Variants in FASLG observed in about 807,000 individuals in gnomAD.
The protein encoded by FASLG is Fas ligand, also known as tumor necrosis factor ligand superfamily member 6.
Under a neutral mutation model 24.6 loss-of-function variants are expected in FASLG, and 9 were observed. That is an observed-to-expected ratio of 0.37 (90% confidence interval 0.22 to 0.64). The LOEUF is 0.64. Among genes scored for constraint, FASLG ranks in the 30% least tolerant of loss-of-function variants. The pLI is 0.64. For synonymous variants in FASLG, 130 were observed against 135.5 expected, an observed-to-expected ratio of 0.96 and a Z score of 0.28; for missense variants, 306 against 345.3, an observed-to-expected ratio of 0.89 and a Z score of 0.90.
In FASLG at chr1:172,659,193, C is replaced by T. The variant is rs1341603396; in HGVS notation, c.-9C>T. 3 of 1,614,076 alleles carry T rather than the reference C, an allele frequency of 1.9e-6. No homozygotes were observed. In the African/African-American group the frequency reaches 4.0e-5, roughly 22 times the overall value. On this transcript the variant is annotated 5_prime_UTR_variant, in exon 1 of 4. Transcript: ENST00000367721. ...CGTTTGCTGGGGCTGGCCTGACTCACCAGCTGCCATGCAGCAGCCCTTCAA... is the reference window on the plus strand; with the variant it reads ...CGTTTGCTGGGGCTGGCCTGACTCATCAGCTGCCATGCAGCAGCCCTTCAA...
At chr1:172,661,845 A>G (rs1659150287) in intron 2 of FASLG, among the ~76,000 whole-genome samples, 1 of 152,208 alleles carries the variant, frequency 6.6e-6, no homozygotes, top group South Asian at 2.1e-4. Context: ...ATACATGTAA[A>G]TTGCTATAAC....
In FASLG at chr1:172,659,143, C is replaced by T; in HGVS notation, c.-59C>T. On this transcript the variant is annotated 5_prime_UTR_variant, in exon 1 of 4. Coordinates refer to ENST00000367721, the MANE Select transcript of FASLG (RefSeq NM_000639.3). ...GGTCCCGTCCTTGACACCTCAGCCT[C>T]TACAGGACTGAGAAGAAGTAAAACC... The T allele has an allele frequency of 6.2e-7, 1 of 1,611,704 alleles. No homozygotes were observed. The highest frequency in any genetic ancestry group is 8.5e-7 in the Non-Finnish European group (1 of 1,179,048).
chr1:172,660,165 T>A (rs977483638), intron 2 of FASLG, 25 bp downstream of exon 2: 1 of 1,610,198 alleles, frequency 6.2e-7, no homozygotes, highest in Admixed American at 1.7e-5. Context: ...GCATGTACAT[T>A]GAGTTCCCAA....
chr1:172,662,507 AC>A (rs762886326), intron 2 of FASLG, among the ~76,000 whole-genome samples: 17 of 152,304 alleles, frequency 1.1e-4, no homozygotes, highest in Non-Finnish European at 2.2e-4. Flanking sequence ...AAGCAAACAG[AC>A]CATGCAATTC....
At chr1:172,661,760 TAA>T (rs1278430222) in intron 2 of FASLG, among the ~76,000 whole-genome samples, 2 of 151,808 alleles carry the variant, frequency 1.3e-5, no homozygotes, top group Non-Finnish European at 2.9e-5. Context: ...ATCAAATTAA[TAA>T]AGATTAAAAA....
At position 172,665,740 on chromosome 1, in the gene FASLG, T is replaced by C. The variant is rs1390057087; in HGVS notation, c.570T>C (p.Phe190=). Residue 190 remains phenylalanine, a synonymous_variant, in exon 4 of 4, where the codon TTT becomes TTC. Transcript: ENST00000367721. ...GLVINETGLY[F]VYSKVYFRGQ... ...TGATCAATGAAACTGGGCTGTACTT[T>C]GTATATTCCAAAGTATACTTCCGGG... 6.2e-7 allele frequency: 1 copy of C among 1,614,186 alleles called. No homozygotes were observed. The highest frequency in any genetic ancestry group is 8.5e-7 in the Non-Finnish European group (1 of 1,180,052).
intron 3 of FASLG, among the ~76,000 whole-genome samples, chr1:172,665,404 A>G (rs931414566): frequency 6.6e-6 from 1 of 152,198 alleles, no homozygotes; most frequent in African/African-American, 2.4e-5. Flanking sequence ...GATTACGGGT[A>G]TATACTATTG....
At position 172,659,369 on chromosome 1, in the gene FASLG, TCCG is replaced by T. The variant is rs772297337; in HGVS notation, c.180_182del (p.Pro62del). ...CACCGCCACCGCCACCACTACCACCTCCGCCGCCGCCGCCACCACTGCCTCCAC... is the reference window on the plus strand; with the variant it reads ...CACCGCCACCGCCACCACTACCACCTCCGCCGCCGCCACCACTGCCTCCAC... On this transcript the variant is annotated inframe_deletion, in exon 1 of 4. Coordinates refer to ENST00000367721, the MANE Select transcript of FASLG (RefSeq NM_000639.3). 3.7e-6 allele frequency: 6 copies of T among 1,607,894 alleles called. No homozygotes were observed. Among genetic ancestry groups the T allele is most frequent in the South Asian group, 1.1e-5 (1 of 90,590 alleles).
chr1:172,664,204 T>G, intron 2 of FASLG, 130 bp from the exon 3 acceptor site: 1 of 881,982 alleles, frequency 1.1e-6, no homozygotes, highest in South Asian at 1.5e-5. Flanking sequence ...CCTACATGAT[T>G]AGTATATGTT....
rs750792722 is a variant in FASLG at position 172,659,333 on chromosome 1, GCCACCA to G, written c.141_146del (p.Pro52_Pro53del). On this transcript the variant is annotated inframe_deletion, in exon 1 of 4. Coordinates refer to ENST00000367721, the MANE Select transcript of FASLG (RefSeq NM_000639.3). ...TGCCCAGAAGGCCTGGTCAAAGGAG[GCCACCA>G]CCACCACCGCCACCGCCACCACTAC... The G allele has an allele frequency of 1.2e-5, 20 of 1,613,194 alleles. No individual in the cohort carries two copies. The East Asian group carries it at 2.2e-4, about 18-fold the overall frequency.
chr1:172,660,236 G>A, intron 2 of FASLG, 96 bp downstream of exon 2: 2 of 1,225,978 alleles, frequency 1.6e-6, no homozygotes, highest in South Asian at 1.2e-5. Context: ...CCACACTTTG[G>A]TTTCTGTACA....
rs370512224 is a variant in FASLG at position 172,666,065 on chromosome 1, C to T, written c.*49C>T. On this transcript the variant is annotated 3_prime_UTR_variant, in exon 4 of 4. Coordinates refer to ENST00000367721, the MANE Select transcript of FASLG (RefSeq NM_000639.3). ...CATTATGATTCTTTGTTACAGGCACCGAGAATGTTGTATTCAGTGAGGGTC... is the reference window on the plus strand; with the variant it reads ...CATTATGATTCTTTGTTACAGGCACTGAGAATGTTGTATTCAGTGAGGGTC... 18 of 1,606,758 alleles carry T rather than the reference C, an allele frequency of 1.1e-5. No homozygotes were observed. Among genetic ancestry groups the T allele is most frequent in the African/African-American group, 4.0e-5 (3 of 74,734 alleles).
chr1:172,666,108 G>C lies in FASLG; in HGVS notation c.*92G>C. 1 of 1,508,818 alleles carries C rather than the reference G, an allele frequency of 6.6e-7. No homozygotes were observed. Among genetic ancestry groups the C allele is most frequent in the South Asian group, 1.2e-5 (1 of 86,796 alleles). 93.5% of individuals were successfully genotyped at this position (1,508,818 alleles called of 1,614,324 possible). ...TGAGGGTCTTCTTACATGCATTTGA[G>C]GTCAAGTAAGAAGACATGAACCAAG... On this transcript the variant is annotated 3_prime_UTR_variant, in exon 4 of 4. Coordinates refer to ENST00000367721, the MANE Select transcript of FASLG (RefSeq NM_000639.3).
Position 172,666,249 on chromosome 1 carries a change from T to G in FASLG, c.*233T>G, listed in dbSNP as rs17475. 1.8e-6 allele frequency: 1 copy of G among 550,712 alleles called. No homozygotes were observed. The highest frequency in any genetic ancestry group is 1.9e-5 in the African/African-American group (1 of 52,904). 34.1% of individuals were successfully genotyped at this position (550,712 alleles called of 1,614,324 possible). ...GAACATAGAACTCTGGGCTGCCATG[T>G]GAAGAGGGAGAAGCATGAAAAAGCA... On this transcript the variant is annotated 3_prime_UTR_variant, in exon 4 of 4. Transcript: ENST00000367721.
chr1:172,660,105 A>C lies in FASLG; in HGVS notation c.359A>C (p.Gln120Pro). The change falls in exon 2 of 4, where the codon CAG becomes CCG. Residue 120 changes from glutamine to proline, a missense_variant. Coordinates refer to ENST00000367721, the MANE Select transcript of FASLG (RefSeq NM_000639.3). ...ELAELRESTS[Q>P]MHTASSLEKQ... is the part of the protein sequence containing the mutation. ...TTTCTGTTTTACTAGTCTACCAGCC[A>C]GATGCACACAGCATCATCTTTGGAG... 1 of 1,614,134 alleles carries C rather than the reference A, an allele frequency of 6.2e-7. No individual in the cohort carries two copies. Among genetic ancestry groups the C allele is most frequent in the East Asian group, 2.2e-5 (1 of 44,884 alleles).
intron 2 of FASLG, among the ~76,000 whole-genome samples, chr1:172,663,458 C>T (rs543393652): frequency 2.0e-5 from 3 of 152,148 alleles, no homozygotes; most frequent in African/African-American, 4.8e-5. Context: ...CCAAAGAAAG[C>T]GGTAATAGGT....
intron 2 of FASLG, among the ~76,000 whole-genome samples, chr1:172,660,824 T>C (rs1221281131): frequency 6.6e-6 from 1 of 152,228 alleles, no homozygotes; most frequent in Non-Finnish European, 1.5e-5. Context: ...AACACTGATC[T>C]CATGAAATTT....
intron 2 of FASLG, among the ~76,000 whole-genome samples, chr1:172,662,299 TA>T (rs1208220416): frequency 8.0e-6 from 1 of 124,528 alleles, no homozygotes; most frequent in Middle Eastern, 3.6e-3. Flanking sequence ...CTCTGGGAGA[TA>T]CTATTATAGA....
intron 2 of FASLG, among the ~76,000 whole-genome samples, chr1:172,663,506 C>A (rs1659186041): frequency 6.6e-6 from 1 of 152,092 alleles, no homozygotes; most frequent in Non-Finnish European, 1.5e-5. Flanking sequence ...ACACAGAAAT[C>A]TGCTTGAAAG....
Sources: gnomAD v4.1 joint callset for allele counts (sites outside exome capture counted in the v4.1 genomes callset) on GRCh38, gnomAD v4.1.1 for gene constraint, MANE v1.5 for transcripts, NCBI Gene and HGNC (gene_info 2026-07-23, HGNC 2026-07-21) for gene names.